The following KPNB1 variants were observed in gnomAD, a reference collection of about 807,000 sequenced individuals.
KPNB1 encodes the protein karyopherin subunit beta 1, also known as importin subunit beta-1.
KPNB1 carries 7 observed loss-of-function variants against 113.0 expected under a neutral mutation model. The ratio of observed to expected loss-of-function variants is 0.06; its 90% CI spans 0.04 to 0.12. The LOEUF (loss-of-function observed/expected upper bound fraction) is 0.12, where lower values mean the gene tolerates loss of function less well. Among genes scored for constraint, KPNB1 ranks in the 10% least tolerant of loss-of-function variants. The pLI, the probability that KPNB1 is intolerant of heterozygous loss-of-function variation, is 1.00. For synonymous variants in KPNB1, 363 were observed against 378.6 expected (o/e 0.96, Z 0.48); for missense variants, 400 against 1,054.8 (o/e 0.38, Z 8.60).
chr17:47,681,345 T>C lies in KPNB1; in HGVS notation c.2630+676T>C, dbSNP rs367609567. On this transcript the variant is annotated intron_variant, in intron 21 of 21. Coordinates refer to ENST00000290158, the MANE Select transcript of KPNB1 (RefSeq NM_002265.6). ...GTGCAGTGGTGCGATCTCAGCTTAT[T>C]GCAACCTCTGCCTCCCGGGTTCAAG... 3.8e-4 allele frequency among the ~76,000 whole-genome samples: 57 copies of C among 151,398 alleles called. 1 individual carries two copies. In the South Asian group the frequency reaches 0.012, roughly 31 times the overall value.
At chr17:47,669,588 A>G (rs1422024906) in intron 10 of KPNB1, 90 bp from the exon 11 acceptor site, 3 of 934,198 alleles carry the variant, frequency 3.2e-6, no homozygotes, top group Non-Finnish European at 5.0e-6. Flanking sequence ...TTTTGAGTTA[A>G]GCCATCCATC....
chr17:47,673,082 A>C lies in KPNB1; in HGVS notation c.1612A>C (p.Asn538His). Residue 538 changes from asparagine (N) to histidine (H), a missense_variant, in exon 13 of 22, where the codon AAC becomes CAC. By Grantham distance (68) the Asn-to-His change is moderately conservative (BLOSUM62 1). Transcript: ENST00000290158. Reference protein sequence around the residue: ...AYESLMEIVKNSAKDCYPAVQ... With the variant: ...AYESLMEIVKHSAKDCYPAVQ... The stretch of plus-strand genomic sequence containing the variant: ...TGAATCTCTGATGGAAATTGTGAAA[A>C]ACAGTGCCAAGGATTGTTATCCTGC... 1.2e-6 allele frequency: 2 copies of C among 1,614,158 alleles called. No individual in the cohort carries two copies. Among genetic ancestry groups the C allele is most frequent in the Non-Finnish European group, 1.7e-6 (2 of 1,180,024 alleles).
intron 15 of KPNB1, among the ~76,000 whole-genome samples, chr17:47,675,389 G>T (rs181512384): frequency 0.35 from 25,142 of 72,276 alleles, 4,632 homozygotes; most frequent in African/African-American, 0.42. Flanking sequence ...TTTTTTGTTT[G>T]TTTTTTTTTT....
chr17:47,654,435 A>T (rs1043495742), intron 3 of KPNB1, among the ~76,000 whole-genome samples: 1 of 151,862 alleles, frequency 6.6e-6, no homozygotes, highest in Non-Finnish European at 1.5e-5. Flanking sequence ...AAAAAAAAAA[A>T]AATTAGATAA....
intron 9 of KPNB1, among the ~76,000 whole-genome samples, chr17:47,666,296 G>T (rs928840129): frequency 6.6e-6 from 1 of 150,660 alleles, no homozygotes; most frequent in Non-Finnish European, 1.5e-5. Flanking sequence ...CAAGTGATCC[G>T]CCCGCCTCAG....
Position 47,652,805 on chromosome 17 carries a change from G to A in KPNB1, c.211G>A (p.Asp71Asn), listed in dbSNP as rs199885874. 7.5e-5 allele frequency: 121 copies of A among 1,612,214 alleles called. 1 individual carries two copies. Among genetic ancestry groups the A allele is most frequent in the Non-Finnish European group, 1.0e-5 (12 of 1,179,554 alleles). Residue 71 changes from aspartate to asparagine, a missense_variant, in exon 3 of 22, where the codon GAT becomes AAT. Around this residue, in one of 2 missense-constraint regions of KPNB1, gnomAD observed 285 missense variants for 627.0 expected, o/e 0.45. Coordinates refer to ENST00000290158, the MANE Select transcript of KPNB1 (RefSeq NM_002265.6). ...GAACTCTTTGACATCTAAAGATCCAGATATCAAGGCACAATATCAGCAGAG... is the reference window on the plus strand; with the variant it reads ...GAACTCTTTGACATCTAAAGATCCAAATATCAAGGCACAATATCAGCAGAG... ...IKNSLTSKDPDIKAQYQQRWL... is the reference protein window; with the variant it reads ...IKNSLTSKDPNIKAQYQQRWL...
chr17:47,675,384 T>TTTTTTTTTTTTTTTTTTTTTA (rs2030583406), intron 15 of KPNB1, among the ~76,000 whole-genome samples: 1 of 106,008 alleles, frequency 9.4e-6, no homozygotes, highest in Non-Finnish European at 1.9e-5. Context: ...TTTTTTTTTT[T>TTTTTTTTTTTTTTTTTTTTTA]GTTTGTTTTT....
rs1915479424 is a variant in KPNB1 at position 47,650,021 on chromosome 17, C to G, written c.-224C>G. On this transcript the variant is annotated 5_prime_UTR_variant, in exon 1 of 22. Transcript: ENST00000290158. ...TGAGCTGCCCCCAGGGTCCCTCCCC[C>G]GCCGCCAGCAGCCCATTTGGAGGGA... 1.5e-6 allele frequency: 2 copies of G among 1,369,306 alleles called. No individual in the cohort carries two copies. The highest frequency in any genetic ancestry group is 3.6e-5 in the Admixed American group (1 of 27,872). 84.8% of individuals were successfully genotyped at this position (1,369,306 alleles called of 1,614,324 possible).
chr17:47,673,497 T>A lies in KPNB1; in HGVS notation c.1703T>A (p.Ile568Asn), dbSNP rs1222926217. The change falls in exon 14 of 22, where the codon ATC (isoleucine) becomes AAC (asparagine). Residue 568 changes from isoleucine to asparagine, a missense_variant. Around this residue, in one of 2 missense-constraint regions of KPNB1, gnomAD observed 115 missense variants for 427.9 expected, o/e 0.27. Transcript: ENST00000290158. ...TTCTTATTTTCTTTGTAGTCACATA[T>A]CCAGAGCACATCCGATAGAATCCAG... ...LQQVLQMESH[I>N]QSTSDRIQFN... is the part of the protein sequence containing the mutation. The A allele has an allele frequency of 6.2e-7, 1 of 1,612,818 alleles. No individual in the cohort carries two copies. Among genetic ancestry groups the A allele is most frequent in the Non-Finnish European group, 8.5e-7 (1 of 1,178,854 alleles).
rs1357091154 is a variant in KPNB1 at position 47,683,219 on chromosome 17, G to A, written c.*815G>A. ...ACTCTAGGGAAAACACTGACGAATG[G>A]TCAGAGCTCCTATCCTGATCTTTTC... On this transcript the variant is annotated 3_prime_UTR_variant, in exon 22 of 22. Transcript: ENST00000290158. 9 of 139,896 alleles carry A rather than the reference G, an allele frequency of 6.4e-5. No individual in the cohort carries two copies. The highest frequency in any genetic ancestry group is 2.4e-4 in the African/African-American group (9 of 36,822). The allele number at this position is 139,896 out of a possible 1,614,324, so 8.7% of individuals were successfully genotyped here.
chr17:47,664,301 G>T, intron 8 of KPNB1, 32 bp downstream of exon 8: 1 of 1,326,344 alleles, frequency 7.5e-7, no homozygotes, highest in Admixed American at 1.7e-5. Flanking sequence ...CTCTGAATAC[G>T]CTTTGGGACA....
At chr17:47,675,372 GT>G (rs755565036) in intron 15 of KPNB1, among the ~76,000 whole-genome samples, 36 of 86,078 alleles carry the variant, frequency 4.2e-4, no homozygotes, top group Non-Finnish European at 5.8e-4. Flanking sequence ...TTTTTTTTTT[GT>G]TTTTTTTTTT....
At position 47,685,488 on chromosome 17, in the gene KPNB1, C is replaced by G. The variant is rs181442746; in HGVS notation, c.*3084C>G. ...ACCTTTATCTTCTAAATAAAGTCCG[C>G]TTTATTTTTATTTTCAACATCTTGC... On this transcript the variant is annotated 3_prime_UTR_variant, in exon 22 of 22. Transcript: ENST00000290158. 1 of 149,458 alleles carries G rather than the reference C, an allele frequency of 6.7e-6. No individual in the cohort carries two copies. Among genetic ancestry groups the G allele is most frequent in the African/African-American group, 2.5e-5 (1 of 40,378 alleles). 9.3% of individuals were successfully genotyped at this position (149,458 alleles called of 1,614,324 possible).
chr17:47,681,686 GTTTTTTTT>G (rs59222945), intron 21 of KPNB1, among the ~76,000 whole-genome samples: 1 of 96,034 alleles, frequency 1.0e-5, no homozygotes, highest in Non-Finnish European at 1.9e-5. Context: ...GGAATTATAG[GTTTTTTTT>G]TTTTTTTTTT....
intron 11 of KPNB1, 105 bp downstream of exon 11, chr17:47,669,974 C>A: frequency 1.2e-6 from 1 of 840,308 alleles, no homozygotes; most frequent in Non-Finnish European, 1.9e-6. Flanking sequence ...AATGCTTTTT[C>A]TGATTTTCTT....
At chr17:47,650,593 A>T in intron 2 of KPNB1, 149 bp downstream of exon 2, 2 of 620,840 alleles carry the variant, frequency 3.2e-6, no homozygotes, top group South Asian at 1.9e-5. Flanking sequence ...AACCCGGTCC[A>T]ACCTAACCCC....
chr17:47,664,413 G>A, intron 8 of KPNB1, 144 bp downstream of exon 8: 1 of 599,090 alleles, frequency 1.7e-6, no homozygotes, highest in South Asian at 2.0e-5. Context: ...CTGCTAGCCA[G>A]AGCCCTTCAT....
At chr17:47,658,374 T>C in intron 4 of KPNB1, 134 bp from the exon 5 acceptor site, 1 of 855,338 alleles carries the variant, frequency 1.2e-6, no homozygotes, top group Non-Finnish European at 1.8e-6. Context: ...CACCTTTTGG[T>C]GCAGTACAGA....
At chr17:47,650,718 C>CGGGAGGGAGAAAGA (rs1388610992) in intron 2 of KPNB1, among the ~76,000 whole-genome samples, 38 of 152,170 alleles carry the variant, frequency 2.5e-4, no homozygotes, top group Non-Finnish European at 4.0e-4. Context: ...GGCGGTGCAG[C>CGGGAGGGAGAAAGA]GGGAGGGAGA....
Sources: gnomAD v4.1 joint callset for allele counts (sites outside exome capture counted in the v4.1 genomes callset) on GRCh38, gnomAD v4.1.1 for gene constraint, gnomAD v4.1.1 regional missense constraint, MANE v1.5 for transcripts, NCBI Gene and HGNC (gene_info 2026-07-23, HGNC 2026-07-21) for gene names.